MAP3K14: variants seen among roughly 807,000 people sequenced by gnomAD.
MAP3K14 encodes mitogen-activated protein kinase kinase kinase 14.
In MAP3K14, 16 loss-of-function variants were observed where a neutral mutation model predicts 99.2. The observed-to-expected ratio is 0.16, with a 90% CI of 0.11 to 0.24. The LOEUF (loss-of-function observed/expected upper bound fraction) is 0.24. Ranked by LOEUF, MAP3K14 falls within the 10% of genes least tolerant of loss-of-function variation. The pLI, the probability that MAP3K14 is intolerant of heterozygous loss-of-function variation, is 1.00. For synonymous variants in MAP3K14, 462 were observed against 492.4 expected, an observed-to-expected ratio of 0.94 and a Z score of 0.82; for missense variants, 784 against 1,208.7, an observed-to-expected ratio of 0.65 and a Z score of 5.21.
chr17:45,267,302 G>T lies in MAP3K14; in HGVS notation c.2326+104C>A. ...CGGTAGAAGCTGAGCTGCTGGGGAA[G>T]GGGCTGGAAGAAAGCCCACACCGCA... On this transcript the variant is annotated intron_variant, in intron 12 of 15. Coordinates refer to ENST00000344686, the MANE Select transcript of MAP3K14 (RefSeq NM_003954.5). The surrounding 1 kb of genome is among the most constrained non-coding windows in gnomAD (Gnocchi z 5.1). The T allele has an allele frequency of 7.1e-7, 1 of 1,414,288 alleles. No homozygotes were observed. Among genetic ancestry groups the T allele is most frequent in the Non-Finnish European group, 9.8e-7 (1 of 1,024,394 alleles). The allele number at this position is 1,414,288 out of a possible 1,614,324, so 87.6% of individuals were successfully genotyped here.
chr17:45,285,006 A>G, intron 5 of MAP3K14, 57 bp from the exon 6 acceptor site: 1 of 1,522,666 alleles, frequency 6.6e-7, no homozygotes, highest in African/African-American at 1.4e-5. Context: ...AGAGGGCTAC[A>G]GGGCTACAGT....
At position 45,286,628 on chromosome 17, in the gene MAP3K14, C is replaced by T. The variant is rs2044267169; in HGVS notation, c.955G>A (p.Glu319Lys). ...GCACCACGAGACAGGCAGCTGGGCTCCAGGTGTGGGCCAGGCAGGGGCTTT... is the reference window on the plus strand; with the variant it reads ...GCACCACGAGACAGGCAGCTGGGCTTCAGGTGTGGGCCAGGCAGGGGCTTT... ...SPKPLPGPHLEPSCLSRGAHE... is the reference protein window; with the variant it reads ...SPKPLPGPHLKPSCLSRGAHE... Residue 319 changes from glutamate (E) to lysine (K), a missense_variant, in exon 5 of 16, where the codon GAG (glutamate) becomes AAG (lysine). Around this residue, in one of 5 missense-constraint regions of MAP3K14, gnomAD observed 138 missense variants for 164.1 expected, o/e 0.84. Transcript: ENST00000344686. This position sits in a 1 kb window ranked among gnomAD's most constrained non-coding sequence, Gnocchi z 4.1. The T allele has an allele frequency of 6.2e-6, 10 of 1,610,860 alleles. No individual in the cohort carries two copies. The East Asian group carries it at 2.2e-4, about 36-fold the overall frequency.
At chr17:45,316,826 T>C (rs1468114410) in intron 1 of MAP3K14, 134 bp downstream of exon 1, 1 of 151,700 alleles carries the variant, frequency 6.6e-6, no homozygotes, top group Non-Finnish European at 1.5e-5. Context: ...CGGACTGCGC[T>C]GGCCTGGCCG....
At chr17:45,303,471 G>A (rs1181787051) in intron 1 of MAP3K14, among the ~76,000 whole-genome samples, 1 of 152,118 alleles carries the variant, frequency 6.6e-6, no homozygotes, top group Non-Finnish European at 1.5e-5. Flanking sequence ...TAACGCAGGA[G>A]AATCACTTGA....
rs2143792034 is a variant in MAP3K14, at chr17:45,274,458, C to T, written c.1420+6G>A. ...TTTGGAGAAAGAGTGGGACCTGGCT[C>T]CTTACCTTCCAGCAGCTCCATGAAG... On this transcript the variant is annotated splice_donor_region_variant and intron_variant, in intron 7 of 15. Coordinates refer to ENST00000344686, the MANE Select transcript of MAP3K14 (RefSeq NM_003954.5). The T allele has an allele frequency of 1.2e-6, 2 of 1,613,538 alleles. No homozygotes were observed. Among genetic ancestry groups the T allele is most frequent in the South Asian group, 2.2e-5 (2 of 90,970 alleles).
At chr17:45,300,201 A>G (rs1259683290) in intron 1 of MAP3K14, among the ~76,000 whole-genome samples, 2 of 152,212 alleles carry the variant, frequency 1.3e-5, no homozygotes, top group African/African-American at 4.8e-5. Flanking sequence ...ATGCCTGATG[A>G]TGGCTGGCCG....
At chr17:45,264,853 T>TA in intron 15 of MAP3K14, 53 bp from the exon 16 acceptor site, 1 of 1,575,598 alleles carries the variant, frequency 6.3e-7, no homozygotes, top group Non-Finnish European at 8.6e-7. Flanking sequence ...GCTCAAGCCA[T>TA]GTAGAAAGGT....
intron 1 of MAP3K14, among the ~76,000 whole-genome samples, chr17:45,295,339 C>T (rs1031627365): frequency 1.3e-5 from 2 of 151,998 alleles, no homozygotes; most frequent in African/African-American, 4.8e-5. Context: ...CACATTTGAA[C>T]CCGCTGCCCT....
At position 45,267,532 on chromosome 17, in the gene MAP3K14, T is replaced by C; in HGVS notation, c.2200A>G (p.Lys734Glu). The change falls in exon 12 of 16, where the codon AAG becomes GAG. Residue 734 changes from lysine to glutamate, a missense_variant. This residue lies in a region of MAP3K14 where 128 missense variants were observed against 143.3 expected (regional missense o/e 0.89). Transcript: ENST00000344686. The surrounding 1 kb of genome is among the most constrained non-coding windows in gnomAD (Gnocchi z 5.1). ...GGTTCCCACATCCCAGACTCCTCCT[T>C]GCTCAAAGTCAAGGGAGGAGACTTG... ...PNKSPPLTLS[K>E]EESGMWEPLP... The C allele has an allele frequency of 6.2e-7, 1 of 1,613,472 alleles. No homozygotes were observed. Among genetic ancestry groups the C allele is most frequent in the Non-Finnish European group, 8.5e-7 (1 of 1,179,612 alleles).
At position 45,286,470 on chromosome 17, in the gene MAP3K14, G is replaced by A; in HGVS notation, c.1113C>T (p.Ser371=). The part of the protein sequence containing the change: ...AARGSRSREP[S]PKTEDNEGVL... ...CACCCTCGTTGTCCTCAGTTTTGGG[G>A]CTGGGCTCCCGGGATCTGGAGCCCC... is the stretch of plus-strand genomic sequence containing the variant. Residue 371 remains serine (S), a synonymous_variant, in exon 5 of 16, where the codon AGC becomes AGT. Coordinates refer to ENST00000344686, the MANE Select transcript of MAP3K14 (RefSeq NM_003954.5). This position sits in a 1 kb window ranked among gnomAD's most constrained non-coding sequence, Gnocchi z 4.1. 1 of 1,601,796 alleles carries A rather than the reference G, an allele frequency of 6.2e-7. No individual in the cohort carries two copies. The highest frequency in any genetic ancestry group is 8.5e-7 in the Non-Finnish European group (1 of 1,173,038).
chr17:45,280,940 G>T (rs1472684122), intron 6 of MAP3K14, among the ~76,000 whole-genome samples: 1 of 152,060 alleles, frequency 6.6e-6, no homozygotes, highest in African/African-American at 2.4e-5. Context: ...AAATTTCCTA[G>T]AATTCATGGA....
chr17:45,294,779 C>A (rs2044335325), intron 1 of MAP3K14, among the ~76,000 whole-genome samples: 1 of 152,256 alleles, frequency 6.6e-6, no homozygotes, highest in South Asian at 2.1e-4. Context: ...GAGACTGCCA[C>A]CTGACCCCTG....
intron 6 of MAP3K14, among the ~76,000 whole-genome samples, chr17:45,274,994 C>G (rs934320961): frequency 6.6e-6 from 1 of 151,596 alleles, no homozygotes. Flanking sequence ...AAAAAATTAG[C>G]TGGGCGTGGC....
intron 3 of MAP3K14, 74 bp downstream of exon 3, chr17:45,289,162 C>A: frequency 7.2e-7 from 1 of 1,397,898 alleles, no homozygotes; most frequent in Non-Finnish European, 1.0e-6. Context: ...CAGGAGCGGC[C>A]CAGGCAAGTG....
intron 6 of MAP3K14, among the ~76,000 whole-genome samples, chr17:45,275,760 C>T (rs201386621): frequency 3.1e-4 from 38 of 123,516 alleles, no homozygotes; most frequent in Non-Finnish European, 3.5e-4. Flanking sequence ...CTTTTCTTTT[C>T]TTTTTTTTTT....
chr17:45,307,844 A>G (rs1368439476), intron 1 of MAP3K14, among the ~76,000 whole-genome samples: 3 of 152,238 alleles, frequency 2.0e-5, no homozygotes, highest in South Asian at 4.1e-4. Context: ...CTCAGCTTCC[A>G]CAGAAGGCTT....
At position 45,264,122 on chromosome 17, in the gene MAP3K14, G is replaced by A. The variant is rs1490536079; in HGVS notation, c.*514C>T. On this transcript the variant is annotated 3_prime_UTR_variant, in exon 16 of 16. Transcript: ENST00000344686. ...GGGGTGAGCTGGCCAGGTGAGGCCA[G>A]GCAAGGGGTTTAGAGGGCCCCCTTA... is the stretch of plus-strand genomic sequence containing the variant. 1 of 152,856 alleles carries A rather than the reference G, an allele frequency of 6.5e-6. No homozygotes were observed. The highest frequency in any genetic ancestry group is 1.5e-5 in the Non-Finnish European group (1 of 68,498). The allele number at this position is 152,856 out of a possible 1,614,324, so 9.5% of individuals were successfully genotyped here.
At position 45,264,500 on chromosome 17, in the gene MAP3K14, G is replaced by T; in HGVS notation, c.*136C>A. On this transcript the variant is annotated 3_prime_UTR_variant, in exon 16 of 16. Coordinates refer to ENST00000344686, the MANE Select transcript of MAP3K14 (RefSeq NM_003954.5). ...TTCTGCTTGCCCCCACCTTGCTGCT[G>T]CGAGGCCCTGGTCCCACTGCTGAGC... is the stretch of plus-strand genomic sequence containing the variant. The T allele has an allele frequency of 1.8e-6, 2 of 1,116,866 alleles. No individual in the cohort carries two copies. Among genetic ancestry groups the T allele is most frequent in the Non-Finnish European group, 2.5e-6 (2 of 815,880 alleles). The allele number at this position is 1,116,866 out of a possible 1,614,324, so 69.2% of individuals were successfully genotyped here.
At chr17:45,292,448 C>T (rs1198609912) in intron 1 of MAP3K14, among the ~76,000 whole-genome samples, 1 of 152,100 alleles carries the variant, frequency 6.6e-6, no homozygotes, top group Non-Finnish European at 1.5e-5. Flanking sequence ...GTAGTCCCAG[C>T]TACTCTAGAG....
Sources: allele counts gnomAD v4.1 joint callset (sites outside exome capture counted in the v4.1 genomes callset), GRCh38; gene constraint gnomAD v4.1.1; regional missense constraint gnomAD v4.1.1; non-coding constraint Gnocchi (gnomAD v3.1); transcripts MANE v1.5; gene names NCBI Gene and HGNC (gene_info 2026-07-23, HGNC 2026-07-21).